The following ASTN2 variants were observed in gnomAD, a reference collection of about 807,000 sequenced individuals.
The protein encoded by ASTN2 is astrotactin-2.
In ASTN2, 54 loss-of-function variants were observed where a neutral mutation model predicts 139.8. The ratio of observed to expected loss-of-function variants is 0.39; its 90% confidence interval spans 0.31 to 0.48. The LOEUF is 0.48. ASTN2 is among the 20% of genes least tolerant of loss of function. The pLI is 0.95. For missense variants in ASTN2, 1,565 were observed against 1,725.1 expected (o/e 0.91, Z 1.64); for synonymous variants, 756 against 719.5 (o/e 1.05, Z -0.81).
At chr9:117,114,671 A>G (rs1415390092) in intron 4 of ASTN2, among the ~76,000 whole-genome samples, 1 of 152,168 alleles carries the variant, frequency 6.6e-6, no homozygotes, top group Non-Finnish European at 1.5e-5. Flanking sequence ...TTACTGAGAT[A>G]CAGGATCTTC....
At chr9:116,901,536 A>G (rs1313095899) in intron 10 of ASTN2, among the ~76,000 whole-genome samples, 2 of 152,178 alleles carry the variant, frequency 1.3e-5, no homozygotes, top group Non-Finnish European at 2.9e-5. Context: ...CATTGTAACA[A>G]TGCATTAATC....
In ASTN2 at chr9:117,149,694, G is replaced by C. The variant is rs552942038; in HGVS notation, c.1016-8216C>G. ...GCATACAATATTCCATCTTATATAG[G>C]AGTCACCTTTTCCTGAAAATACTAA... On this transcript the variant is annotated intron_variant, in intron 3 of 22. Transcript: ENST00000313400. 2.6e-5 allele frequency among the ~76,000 whole-genome samples: 4 copies of C among 152,248 alleles called. No individual in the cohort carries two copies. The East Asian group carries it at 7.7e-4, about 29-fold the overall frequency.
intron 1 of ASTN2, among the ~76,000 whole-genome samples, chr9:117,310,879 T>C (rs778728658): frequency 1.2e-4 from 18 of 152,156 alleles, no homozygotes; most frequent in Non-Finnish European, 2.4e-4. Context: ...CCGCCTTGGT[T>C]TCCCAAATTG....
chr9:116,650,684 T>C (rs1457624773), intron 17 of ASTN2, among the ~76,000 whole-genome samples: 116 of 152,202 alleles, frequency 7.6e-4, no homozygotes, highest in Non-Finnish European at 8.8e-5. Context: ...AACCCATGTC[T>C]TCTCCTAGGC....
intron 7 of ASTN2, among the ~76,000 whole-genome samples, chr9:116,993,976 T>C (rs769327088): frequency 1.7e-4 from 26 of 151,412 alleles, no homozygotes; most frequent in Non-Finnish European, 2.7e-4. Context: ...TTTTGTTTTG[T>C]TTTCTTTCTT....
intron 13 of ASTN2, among the ~76,000 whole-genome samples, chr9:116,758,016 G>C (rs1829579641): frequency 6.6e-6 from 1 of 152,160 alleles, no homozygotes; most frequent in African/African-American, 2.4e-5. Flanking sequence ...AACAGAAACT[G>C]AATGCCATTA....
At chr9:116,825,231 A>G (rs574730711) in intron 11 of ASTN2, among the ~76,000 whole-genome samples, 17 of 152,326 alleles carry the variant, frequency 1.1e-4, no homozygotes, top group African/African-American at 3.8e-4. Context: ...TATAGGCAGG[A>G]TGCTTCACCT....
chr9:116,490,303 A>AAAAAAAAAAAAAAAG (rs1564314423), intron 19 of ASTN2, among the ~76,000 whole-genome samples: 2 of 104,512 alleles, frequency 1.9e-5, no homozygotes, highest in African/African-American at 3.4e-5. Context: ...AAAAAAAAAA[A>AAAAAAAAAAAAAAAG]GGGGGCATTG....
intron 7 of ASTN2, among the ~76,000 whole-genome samples, chr9:116,998,939 G>A (rs1303762176): frequency 6.6e-6 from 1 of 152,102 alleles, no homozygotes; most frequent in Non-Finnish European, 1.5e-5. Flanking sequence ...GTAACACAGA[G>A]CTCAGCAAAT....
At chr9:117,263,773 C>T (rs865853194) in intron 2 of ASTN2, among the ~76,000 whole-genome samples, 2 of 152,162 alleles carry the variant, frequency 1.3e-5, no homozygotes, top group African/African-American at 2.4e-5. Flanking sequence ...ATGTTCACAA[C>T]GTTTTTCTTA....
intron 20 of ASTN2, among the ~76,000 whole-genome samples, chr9:116,463,120 C>A (rs984527885): frequency 6.6e-6 from 1 of 152,116 alleles, no homozygotes; most frequent in Non-Finnish European, 1.5e-5. Context: ...TATACTTCAA[C>A]AATTTCTCAA....
chr9:116,870,599 T>C (rs1490107111), intron 10 of ASTN2, among the ~76,000 whole-genome samples: 1 of 152,150 alleles, frequency 6.6e-6, no homozygotes, highest in Non-Finnish European at 1.5e-5. Flanking sequence ...ATTATTTTTT[T>C]CTGTTAATAC....
chr9:116,609,994 A>G (rs1855450647), intron 19 of ASTN2, among the ~76,000 whole-genome samples: 1 of 152,178 alleles, frequency 6.6e-6, no homozygotes, highest in African/African-American at 2.4e-5. Flanking sequence ...AGGAGATATA[A>G]TGGAATCATA....
intron 20 of ASTN2, among the ~76,000 whole-genome samples, chr9:116,458,924 A>C (rs1216810107): frequency 2.0e-5 from 3 of 152,028 alleles, no homozygotes; most frequent in Non-Finnish European, 4.4e-5. Context: ...ATTCACATGG[A>C]AATGAAAGGC....
chr9:117,060,417 AG>A (rs1839232547), intron 5 of ASTN2, among the ~76,000 whole-genome samples: 5 of 96,354 alleles, frequency 5.2e-5, no homozygotes, highest in African/African-American at 2.5e-4. Flanking sequence ...AAAGAAGGAA[AG>A]GAAGGAAGGA....
At chr9:117,044,452 C>G (rs1458721466) in intron 5 of ASTN2, among the ~76,000 whole-genome samples, 1 of 152,252 alleles carries the variant, frequency 6.6e-6, no homozygotes, top group Admixed American at 6.5e-5. Flanking sequence ...GCCATGGCAA[C>G]CGGACCTGGC....
chr9:116,717,226 T>C (rs1828335365), intron 16 of ASTN2, among the ~76,000 whole-genome samples: 1 of 152,214 alleles, frequency 6.6e-6, no homozygotes, highest in Non-Finnish European at 1.5e-5. Flanking sequence ...TTATTATTCT[T>C]GGTATGCACC....
Position 117,344,330 on chromosome 9 carries a change from A to C in ASTN2, c.443-52817T>G, listed in dbSNP as rs1829151118. On this transcript the variant is annotated intron_variant, in intron 1 of 22. Coordinates refer to ENST00000313400, the MANE Select transcript of ASTN2 (RefSeq NM_001365068.1). Reference sequence around the variant, plus strand: ...GGGAGCTAGAGCTAGGATGCCGGGCACCAGGGCTGATGAAAGCAAAGGCAG... The same window carrying C: ...GGGAGCTAGAGCTAGGATGCCGGGCCCCAGGGCTGATGAAAGCAAAGGCAG... Among the ~76,000 whole-genome samples the C allele has an allele frequency of 3.3e-5, 5 of 152,160 alleles. No homozygotes were observed. In the South Asian group the frequency reaches 1.0e-3, roughly 32 times the overall value.
intron 19 of ASTN2, among the ~76,000 whole-genome samples, chr9:116,592,364 G>T (rs552063773): frequency 6.6e-6 from 1 of 152,196 alleles, no homozygotes; most frequent in African/African-American, 2.4e-5. Context: ...GAGCAGGAGG[G>T]AGAGAGAAGG....
Sources: allele counts gnomAD v4.1 joint callset (sites outside exome capture counted in the v4.1 genomes callset), GRCh38; gene constraint gnomAD v4.1.1; transcripts MANE v1.5; gene names NCBI Gene and HGNC (gene_info 2026-07-23, HGNC 2026-07-21).